Variants in ILDR1 observed in about 807,000 individuals in gnomAD.
ILDR1 encodes the protein immunoglobulin like domain containing receptor 1.
In ILDR1, 56 loss-of-function variants were observed where a neutral mutation model predicts 62.4. That is an observed-to-expected ratio of 0.90 (90% CI 0.72 to 1.12). The LOEUF (loss-of-function observed/expected upper bound fraction) is 1.12, where lower values mean the gene tolerates loss of function less well. ILDR1 is among the 50% of genes most tolerant of loss of function. The probability of loss-of-function intolerance (pLI) is 0.00; values close to 1 mark genes in which losing one functional copy is unlikely to be tolerated. For synonymous variants in ILDR1, 284 were observed against 277.8 expected, an observed-to-expected ratio of 1.02 and a Z score of -0.22; for missense variants, 736 against 710.6, an observed-to-expected ratio of 1.04 and a Z score of -0.41.
At chr3:122,039,862 C>A in the ILDR1 span, among the ~76,000 whole-genome samples, 1 of 151,760 alleles carries the variant, frequency 6.6e-6, no homozygotes, top group Non-Finnish European at 1.5e-5. Flanking sequence ...GATAATAGCA[C>A]AATTGTAAAA....
At chr3:122,039,801 A>C in the ILDR1 span, among the ~76,000 whole-genome samples, 1 of 152,064 alleles carries the variant, frequency 6.6e-6, no homozygotes, top group East Asian at 1.9e-4. Context: ...TTTAAAGCAA[A>C]ATTATAACAA....
Position 121,987,905 on chromosome 3 carries a change from G to T in ILDR1, c.*462C>A, listed in dbSNP as rs1403729. On this transcript the variant is annotated 3_prime_UTR_variant, in exon 8 of 8. Coordinates refer to ENST00000344209, the MANE Select transcript of ILDR1 (RefSeq NM_001199799.2). The stretch of plus-strand genomic sequence containing the variant: ...TCGAACTCTAACTTTTTTGTTTTTT[G>T]GCCTTTTGGGTTTTTTAGTAATGGG... 2 of 244,406 alleles carry T rather than the reference G, an allele frequency of 8.2e-6. No homozygotes were observed. The highest frequency in any genetic ancestry group is 1.6e-5 in the Non-Finnish European group (2 of 123,798). 15.1% of individuals were successfully genotyped at this position (244,406 alleles called of 1,614,324 possible).
At chr3:122,059,237 T>A in the ILDR1 span, among the ~76,000 whole-genome samples, 1 of 152,042 alleles carries the variant, frequency 6.6e-6, no homozygotes, top group East Asian at 1.9e-4. Flanking sequence ...TCATTGTGGG[T>A]CAATTCAGTA....
chr3:121,989,648 G>A (rs766092659), intron 7 of ILDR1, among the ~76,000 whole-genome samples: 1 of 152,170 alleles, frequency 6.6e-6, no homozygotes, highest in Non-Finnish European at 1.5e-5. Context: ...TGAAGTTTTT[G>A]CCCCTTATAT....
intron 1 of ILDR1, among the ~76,000 whole-genome samples, chr3:122,007,463 C>T (rs542707981): frequency 5.3e-5 from 8 of 152,300 alleles, no homozygotes; most frequent in African/African-American, 1.9e-4. Flanking sequence ...AATAAAGCCA[C>T]ATTTGTACAG....
Position 122,007,172 on chromosome 3 carries a change from G to C in ILDR1, c.59-11C>G, listed in dbSNP as rs200216503. The C allele has an allele frequency of 8.1e-6, 13 of 1,614,156 alleles. No individual in the cohort carries two copies. The highest frequency in any genetic ancestry group is 1.7e-5 in the Admixed American group (1 of 60,024). Reference sequence around the variant, plus strand: ...GCAAGGACAGGCACCCTAAAGCCAAGAGCAGGAGAAAATGCTGAAGGTGAC... The same window carrying C: ...GCAAGGACAGGCACCCTAAAGCCAACAGCAGGAGAAAATGCTGAAGGTGAC... On this transcript the variant is annotated splice_polypyrimidine_tract_variant and intron_variant, in intron 1 of 7. Transcript: ENST00000344209.
chr3:121,989,376 GC>G, intron 7 of ILDR1, among the ~76,000 whole-genome samples: 1 of 152,308 alleles, frequency 6.6e-6, no homozygotes, highest in Middle Eastern at 3.4e-3. Flanking sequence ...GATTAAGAAT[GC>G]CGACATAAAA....
At chr3:122,012,458 T>C (rs1423367985) in intron 1 of ILDR1, among the ~76,000 whole-genome samples, 1 of 152,224 alleles carries the variant, frequency 6.6e-6, no homozygotes, top group East Asian at 1.9e-4. Flanking sequence ...TGAGTTCAGA[T>C]TCTGTCTCCA....
upstream of ILDR1, among the ~76,000 whole-genome samples, chr3:122,024,039 G>A (rs980786822): frequency 1.4e-5 from 2 of 147,250 alleles, no homozygotes; most frequent in Non-Finnish European, 3.0e-5. Context: ...CTCAGCCCCC[G>A]CTTTGGTATA....
intron 5 of ILDR1, among the ~76,000 whole-genome samples, chr3:121,997,021 C>T (rs1485660368): frequency 6.6e-6 from 1 of 152,244 alleles, no homozygotes; most frequent in East Asian, 1.9e-4. Context: ...CTGTCTCAGC[C>T]TCCCGAGTAG....
At chr3:121,990,877 G>A (rs1031255144) in intron 7 of ILDR1, among the ~76,000 whole-genome samples, 3 of 152,196 alleles carry the variant, frequency 2.0e-5, no homozygotes, top group Admixed American at 6.5e-5. Flanking sequence ...CAACCTCTCA[G>A]AGGCTCCCAT....
chr3:122,011,309 C>T (rs2071698660), intron 1 of ILDR1, among the ~76,000 whole-genome samples: 1 of 151,998 alleles, frequency 6.6e-6, no homozygotes, highest in Admixed American at 6.6e-5. Flanking sequence ...TCAGAAATTG[C>T]TGTGGGGTAG....
Position 121,988,031 on chromosome 3 carries a change from G to A in ILDR1, c.*336C>T, listed in dbSNP as rs2071276766. 2.6e-6 allele frequency: 1 copy of A among 378,486 alleles called. No individual in the cohort carries two copies. The highest frequency in any genetic ancestry group is 2.1e-5 in the African/African-American group (1 of 47,594). 23.4% of individuals were successfully genotyped at this position (378,486 alleles called of 1,614,324 possible). On this transcript the variant is annotated 3_prime_UTR_variant, in exon 8 of 8. Transcript: ENST00000344209. ...GGGCTCAAGGGATCCTTCTGCCTCA[G>A]CCTCTTGAGTAGCTGGGACTACAAG... is the stretch of plus-strand genomic sequence containing the variant.
chr3:122,042,766 GT>G, the ILDR1 span, among the ~76,000 whole-genome samples: 3 of 151,780 alleles, frequency 2.0e-5, no homozygotes, highest in Non-Finnish European at 4.4e-5. Context: ...GGGGTTGTTT[GT>G]TTTTTTCTTG....
At chr3:122,005,939 A>AC (rs1576726494) in intron 2 of ILDR1, among the ~76,000 whole-genome samples, 18 of 150,060 alleles carry the variant, frequency 1.2e-4, no homozygotes, top group Admixed American at 5.3e-4. Context: ...AAACAAACAA[A>AC]AAAAAAACCA....
chr3:122,045,450 T>C, the ILDR1 span, among the ~76,000 whole-genome samples: 1 of 152,182 alleles, frequency 6.6e-6, no homozygotes, highest in Admixed American at 6.5e-5. Context: ...GGTGCAGAGC[T>C]GAGTTCAATT....
intron 5 of ILDR1, among the ~76,000 whole-genome samples, chr3:121,999,747 G>A (rs182775676): frequency 2.0e-5 from 3 of 152,210 alleles, no homozygotes; most frequent in Admixed American, 6.5e-5. Context: ...CTAAGTTCAT[G>A]GCCATGACGG....
At chr3:122,028,630 T>C in the ILDR1 span, among the ~76,000 whole-genome samples, 21 of 152,184 alleles carry the variant, frequency 1.4e-4, no homozygotes, top group African/African-American at 3.6e-4. Flanking sequence ...CAGATAAACA[T>C]GTAATTCACA....
the ILDR1 span, among the ~76,000 whole-genome samples, chr3:122,043,237 G>A: frequency 3.5e-3 from 523 of 149,522 alleles, 3 homozygotes; most frequent in African/African-American, 0.012. Flanking sequence ...GATATGCGGC[G>A]TTATTTCTGA....
Sources: gnomAD v4.1 joint callset for allele counts (sites outside exome capture counted in the v4.1 genomes callset) on GRCh38, gnomAD v4.1.1 for gene constraint, MANE v1.5 for transcripts, NCBI Gene and HGNC (gene_info 2026-07-23, HGNC 2026-07-21) for gene names.